The following NR2F2 variants were observed in gnomAD, a reference collection of about 807,000 sequenced individuals.
NR2F2 encodes the protein COUP transcription factor 2.
A neutral mutation model predicts 34.8 loss-of-function variants in NR2F2; 2 were observed. The ratio of observed to expected loss-of-function variants is 0.06; its 90% CI spans 0.02 to 0.18. The LOEUF is 0.18. Ranked by LOEUF, NR2F2 falls within the 10% of genes least tolerant of loss-of-function variation. NR2F2 has a pLI of 1.00. For missense variants in NR2F2, 300 were observed against 580.1 expected (o/e 0.52, Z 4.96); for synonymous variants, 274 against 251.8 (o/e 1.09, Z -0.84).
chr15:96,332,664 G>A, intron 1 of NR2F2, 117 bp downstream of exon 1: 2 of 1,466,328 alleles, frequency 1.4e-6, no homozygotes, highest in Non-Finnish European at 1.8e-6. Context: ...GTATTGCAGC[G>A]GAAAAGGGTT....
chr15:96,331,011 C>T lies in NR2F2; in HGVS notation c.-1095C>T, dbSNP rs1020807353. 8.2e-7 allele frequency: 1 copy of T among 1,225,196 alleles called. No individual in the cohort carries two copies. Among genetic ancestry groups the T allele is most frequent in the African/African-American group, 1.6e-5 (1 of 64,240 alleles). The allele number at this position is 1,225,196 out of a possible 1,614,324, so 75.9% of individuals were successfully genotyped here. On this transcript the variant is annotated 5_prime_UTR_variant, in exon 1 of 3. Coordinates refer to ENST00000394166, the MANE Select transcript of NR2F2 (RefSeq NM_021005.4). ...CTCTTTTATCATTTCTCCCCCGCCG[C>T]CGGCGAGTTGACTCTTTCCCTATGT...
Position 96,332,051 on chromosome 15 carries a change from CCCG to C in NR2F2, c.-46_-44del. The stretch of plus-strand genomic sequence containing the variant: ...CCGAGACCCGGGGAGCCGCCGCCGC[CCCG>C]CCGCCGCCCGCAGCCAGGGGAGCAG... On this transcript the variant is annotated 5_prime_UTR_variant, in exon 1 of 3. Coordinates refer to ENST00000394166, the MANE Select transcript of NR2F2 (RefSeq NM_021005.4). The C allele has an allele frequency of 3.2e-6, 4 of 1,259,138 alleles. No individual in the cohort carries two copies. Among genetic ancestry groups the C allele is most frequent in the South Asian group, 6.0e-5 (2 of 33,532 alleles). The allele number at this position is 1,259,138 out of a possible 1,614,324, so 78.0% of individuals were successfully genotyped here. A position where few individuals can be genotyped will look rare whatever the true frequency, so the allele number is the denominator to read the frequency against.
At position 96,331,587 on chromosome 15, in the gene NR2F2, TCC is replaced by T; in HGVS notation, c.-518_-517del. On this transcript the variant is annotated 5_prime_UTR_variant, in exon 1 of 3. It removes the in-frame stop codon of an upstream open reading frame in the 5' UTR. Transcript: ENST00000394166. ...CACCACCTCCTCTTCCTCCTCCTCC[TCC>T]TCCTCCTCCTCCGCCAACTCCTCGG... The T allele has an allele frequency of 8.2e-7, 1 of 1,216,380 alleles. No individual in the cohort carries two copies. The highest frequency in any genetic ancestry group is 3.2e-5 in the East Asian group (1 of 30,886). 75.3% of individuals were successfully genotyped at this position (1,216,380 alleles called of 1,614,324 possible). A position where few individuals can be genotyped will look rare whatever the true frequency, so the allele number is the denominator to read the frequency against.
chr15:96,326,488 G>C (rs764358954), upstream of NR2F2: 23 of 645,996 alleles, frequency 3.6e-5, no homozygotes, highest in Non-Finnish European at 4.9e-5. The surrounding 1 kb of genome is among the most constrained non-coding windows in gnomAD (Gnocchi z 5.5). Flanking sequence ...GAGGACTGTG[G>C]TTTAAGGGGT....
upstream of NR2F2, among the ~76,000 whole-genome samples, chr15:96,329,094 G>A (rs1342225695): frequency 1.3e-5 from 2 of 151,770 alleles, no homozygotes; most frequent in African/African-American, 4.8e-5. Flanking sequence ...CTCTTCATAT[G>A]TGTTCATTTC....
Position 96,339,609 on chromosome 15 carries a change from A to C in NR2F2, c.*1987A>C, listed in dbSNP as rs1899439956. On this transcript the variant is annotated 3_prime_UTR_variant, in exon 3 of 3. Transcript: ENST00000394166. ...GCTCTTGGGATCCTTTGTCCTTAGA[A>C]GCCAAATTAAGGAAGAGAAAGCAGG... is the stretch of plus-strand genomic sequence containing the variant. 6.6e-6 allele frequency: 1 copy of C among 152,354 alleles called. No individual in the cohort carries two copies. Among genetic ancestry groups the C allele is most frequent in the African/African-American group, 2.4e-5 (1 of 41,562 alleles). 9.4% of individuals were successfully genotyped at this position (152,354 alleles called of 1,614,324 possible). A position where few individuals can be genotyped will look rare whatever the true frequency, so the allele number is the denominator to read the frequency against.
intron 2 of NR2F2, among the ~76,000 whole-genome samples, chr15:96,336,601 GA>G (rs2141171346): frequency 6.6e-6 from 1 of 151,362 alleles, no homozygotes; most frequent in East Asian, 1.9e-4. Context: ...TATCAAAAAA[GA>G]AAAGTGTTTT....
chr15:96,332,041 C>A lies in NR2F2; in HGVS notation c.-65C>A. On this transcript the variant is annotated 5_prime_UTR_variant, in exon 1 of 3. Coordinates refer to ENST00000394166, the MANE Select transcript of NR2F2 (RefSeq NM_021005.4). ...GCGCCGGAGCCCGAGACCCGGGGAG[C>A]CGCCGCCGCCCCGCCGCCGCCCGCA... The A allele has an allele frequency of 8.0e-7, 1 of 1,244,424 alleles. No individual in the cohort carries two copies. The allele number at this position is 1,244,424 out of a possible 1,614,324, so 77.1% of individuals were successfully genotyped here. A position where few individuals can be genotyped will look rare whatever the true frequency, so the allele number is the denominator to read the frequency against.
At chr15:96,328,922 T>C (rs1217951214), upstream of NR2F2, among the ~76,000 whole-genome samples, 1 of 152,186 alleles carries the variant, frequency 6.6e-6, no homozygotes, top group Non-Finnish European at 1.5e-5. Flanking sequence ...TCTGCCCAGA[T>C]CTTTAGTCCT....
chr15:96,334,644 G>T (rs1407672166), intron 2 of NR2F2, 41 bp downstream of exon 2: 2 of 1,542,946 alleles, frequency 1.3e-6, no homozygotes, highest in Non-Finnish European at 1.7e-6. Flanking sequence ...CGGGCTCCTA[G>T]CCCAGAGCTG....
rs990470626 is a variant in NR2F2, at chr15:96,331,049, G to GGCGGCAGCA, written c.-1054_-1046dup. The GGCGGCAGCA allele has an allele frequency of 2.4e-6, 3 of 1,242,632 alleles. No homozygotes were observed. The highest frequency in any genetic ancestry group is 6.2e-5 in the East Asian group (2 of 32,038). The allele number at this position is 1,242,632 out of a possible 1,614,324, so 77.0% of individuals were successfully genotyped here. On this transcript the variant is annotated 5_prime_UTR_variant, in exon 1 of 3. Coordinates refer to ENST00000394166, the MANE Select transcript of NR2F2 (RefSeq NM_021005.4). Reference sequence around the variant, plus strand: ...TCTTTCCCTATGTGTGTGAGGCGGCGGCGGCAGCAGCAGCAGCAGCGGCTC... The same window carrying GGCGGCAGCA: ...TCTTTCCCTATGTGTGTGAGGCGGCGGCGGCAGCAGCGGCAGCAGCAGCAGCAGCGGCTC...
At position 96,331,539 on chromosome 15, in the gene NR2F2, TCCTCCTCTACCTCCTCCTTCACCACCA is replaced by T. The variant is rs1296408850; in HGVS notation, c.-558_-532del. On this transcript the variant is annotated 5_prime_UTR_variant, in exon 1 of 3. Transcript: ENST00000394166. Reference sequence around the variant, plus strand: ...TTGGCCCCCGGACAGTCGCCTCTCCTCCTCCTCTACCTCCTCCTTCACCACCACCTCCTCTTCCTCCTCCTCCTCCTC... The same window carrying T: ...TTGGCCCCCGGACAGTCGCCTCTCCTCCTCCTCTTCCTCCTCCTCCTCCTC... The T allele has an allele frequency of 8.1e-5, 100 of 1,229,834 alleles. No homozygotes were observed. The highest frequency in any genetic ancestry group is 9.5e-5 in the Non-Finnish European group (94 of 987,490). 76.2% of individuals were successfully genotyped at this position (1,229,834 alleles called of 1,614,324 possible).
Position 96,330,931 on chromosome 15 carries a change from TC to T in NR2F2, c.-1169del, listed in dbSNP as rs1899117606. The T allele has an allele frequency of 1.3e-5, 15 of 1,134,830 alleles. No individual in the cohort carries two copies. The East Asian group carries it at 3.6e-4, about 27-fold the overall frequency. 70.3% of individuals were successfully genotyped at this position (1,134,830 alleles called of 1,614,324 possible). On this transcript the variant is annotated 5_prime_UTR_variant, in exon 1 of 3. Transcript: ENST00000394166. ...TTCATTCTTTCTCTCCGTCTTTTTC[TC>T]CCCCCTCTGCGCACGAAGGATGTGC...
At position 96,337,651 on chromosome 15, in the gene NR2F2, C is replaced by G. The variant is rs1899374220; in HGVS notation, c.*29C>G. The G allele has an allele frequency of 6.3e-7, 1 of 1,596,258 alleles. No homozygotes were observed. Among genetic ancestry groups the G allele is most frequent in the Non-Finnish European group, 8.5e-7 (1 of 1,170,236 alleles). ...AATAAAATAAGAAGGGGGAGTGAAACAGAGAAAGAAAAGGCAAAAGACTGG... is the reference window on the plus strand; with the variant it reads ...AATAAAATAAGAAGGGGGAGTGAAAGAGAGAAAGAAAAGGCAAAAGACTGG... On this transcript the variant is annotated 3_prime_UTR_variant, in exon 3 of 3. Transcript: ENST00000394166.
At position 96,333,465 on chromosome 15, in the gene NR2F2, AG is replaced by A. The variant is rs1227417172; in HGVS notation, c.443-610del. The A allele has an allele frequency of 3.0e-6, 3 of 1,002,636 alleles. No individual in the cohort carries two copies. In the African/African-American group the frequency reaches 5.2e-5, roughly 18 times the overall value. The allele number at this position is 1,002,636 out of a possible 1,614,324, so 62.1% of individuals were successfully genotyped here. A position where few individuals can be genotyped will look rare whatever the true frequency, so the allele number is the denominator to read the frequency against. ...GCCTCTCCCGGCTTCCTCTCTCTTT[AG>A]CCGGCCTCTCTCTCTCCGCCCTCTC... On this transcript the variant is annotated intron_variant, in intron 1 of 2. Coordinates refer to ENST00000394166, the MANE Select transcript of NR2F2 (RefSeq NM_021005.4).
At position 96,331,468 on chromosome 15, in the gene NR2F2, G is replaced by C. The variant is rs1899139575; in HGVS notation, c.-638G>C. On this transcript the variant is annotated 5_prime_UTR_variant, in exon 1 of 3. Coordinates refer to ENST00000394166, the MANE Select transcript of NR2F2 (RefSeq NM_021005.4). ...GCGCCTCCGATCTCCTAGTCCTCCT[G>C]ATTTCGATGGCTTTCCTGAATGGCT... 1.6e-6 allele frequency: 2 copies of C among 1,231,036 alleles called. No individual in the cohort carries two copies. Among genetic ancestry groups the C allele is most frequent in the African/African-American group, 1.6e-5 (1 of 64,420 alleles). The allele number at this position is 1,231,036 out of a possible 1,614,324, so 76.3% of individuals were successfully genotyped here.
chr15:96,326,224 A>G (rs985734120), upstream of NR2F2: 25 of 1,112,440 alleles, frequency 2.2e-5, no homozygotes, highest in African/African-American at 2.8e-4. The surrounding 1 kb of genome is among the most constrained non-coding windows in gnomAD (Gnocchi z 5.5). Flanking sequence ...CTCTTTAATT[A>G]TCAAAGACAC....
Position 96,332,635 on chromosome 15 carries a change from G to A in NR2F2, c.442+88G>A. 6 of 1,525,622 alleles carry A rather than the reference G, an allele frequency of 3.9e-6. No homozygotes were observed. In the South Asian group the frequency reaches 5.1e-5, roughly 13 times the overall value. The allele number at this position is 1,525,622 out of a possible 1,614,324, so 94.5% of individuals were successfully genotyped here. A position where few individuals can be genotyped will look rare whatever the true frequency, so the allele number is the denominator to read the frequency against. ...AGCCTGCTCTGGGTAAGGACAAGAAGCCCCAAGCTCTTCTCTTCGTATTGC... is the reference window on the plus strand; with the variant it reads ...AGCCTGCTCTGGGTAAGGACAAGAAACCCCAAGCTCTTCTCTTCGTATTGC... On this transcript the variant is annotated intron_variant, in intron 1 of 2. Transcript: ENST00000394166.
At position 96,331,018 on chromosome 15, in the gene NR2F2, G is replaced by C; in HGVS notation, c.-1088G>C. The C allele has an allele frequency of 1.6e-6, 2 of 1,225,556 alleles. No homozygotes were observed. Among genetic ancestry groups the C allele is most frequent in the East Asian group, 6.4e-5 (2 of 31,320 alleles). 75.9% of individuals were successfully genotyped at this position (1,225,556 alleles called of 1,614,324 possible). A position where few individuals can be genotyped will look rare whatever the true frequency, so the allele number is the denominator to read the frequency against. The stretch of plus-strand genomic sequence containing the variant: ...ATCATTTCTCCCCCGCCGCCGGCGA[G>C]TTGACTCTTTCCCTATGTGTGTGAG... On this transcript the variant is annotated 5_prime_UTR_variant, in exon 1 of 3. Coordinates refer to ENST00000394166, the MANE Select transcript of NR2F2 (RefSeq NM_021005.4).
Sources: gnomAD v4.1 joint callset for allele counts (sites outside exome capture counted in the v4.1 genomes callset) on GRCh38, gnomAD v4.1.1 for gene constraint, Gnocchi (gnomAD v3.1) non-coding constraint, MANE v1.5 for transcripts, NCBI Gene and HGNC (gene_info 2026-07-23, HGNC 2026-07-21) for gene names.